The following CLIC5 variants were observed in gnomAD, a reference collection of about 807,000 sequenced individuals.
CLIC5 encodes chloride intracellular channel protein 5.
In CLIC5, 20 loss-of-function variants were observed where a neutral mutation model predicts 24.7. The observed-to-expected ratio is 0.81, with a 90% CI of 0.57 to 1.18. CLIC5 has a LOEUF of 1.18. Among genes scored for constraint, CLIC5 ranks in the 50% most tolerant of loss-of-function variants. The pLI is 0.00. For synonymous variants in CLIC5, 159 were observed against 135.6 expected (o/e 1.17, Z -1.20); for missense variants, 341 against 326.1 (o/e 1.05, Z -0.35).
At chr6:46,028,375 A>G (rs1347898519) in intron 1 of CLIC5, among the ~76,000 whole-genome samples, 1 of 152,204 alleles carries the variant, frequency 6.6e-6, no homozygotes, top group African/African-American at 2.4e-5. Context: ...GGAGTCATTC[A>G]CCACTGGGTG....
chr6:46,004,763 G>A (rs3777620), intron 1 of CLIC5, among the ~76,000 whole-genome samples: 50,241 of 151,666 alleles, frequency 0.33, 8,506 homozygotes, highest in Middle Eastern at 0.45. Context: ...ATGAGGAAAG[G>A]CCACATAACT....
At chr6:46,129,611 C>T in the CLIC5 span, 1 of 152,266 alleles carries the variant, frequency 6.6e-6, no homozygotes, top group Non-Finnish European at 1.5e-5. Context: ...GAAGCTTCTC[C>T]AGACTTGTGC....
At chr6:46,035,500 T>C (rs1361145406) in intron 1 of CLIC5, among the ~76,000 whole-genome samples, 3 of 152,222 alleles carry the variant, frequency 2.0e-5, no homozygotes, top group African/African-American at 7.2e-5. Flanking sequence ...ATCTCTACTG[T>C]TGTGTTGGTT....
chr6:45,987,981 AC>A (rs1765801172), intron 1 of CLIC5, among the ~76,000 whole-genome samples: 1 of 151,952 alleles, frequency 6.6e-6, no homozygotes, highest in African/African-American at 2.4e-5. Flanking sequence ...CATTTATTCC[AC>A]CCCAACAGCC....
intron 1 of CLIC5, among the ~76,000 whole-genome samples, chr6:46,066,852 G>A (rs191249308): frequency 6.6e-6 from 1 of 152,126 alleles, no homozygotes; most frequent in Non-Finnish European, 1.5e-5. Context: ...ATGAAGGAGA[G>A]GAGAAGGTGT....
At chr6:45,972,915 T>C (rs1765249065) in intron 1 of CLIC5, among the ~76,000 whole-genome samples, 1 of 152,224 alleles carries the variant, frequency 6.6e-6, no homozygotes, top group Non-Finnish European at 1.5e-5. Context: ...AAAACTCCAC[T>C]CTTGTTCATA....
chr6:46,049,642 G>A (rs1185872877), intron 1 of CLIC5, among the ~76,000 whole-genome samples: 1 of 152,248 alleles, frequency 6.6e-6, no homozygotes, highest in Non-Finnish European at 1.5e-5. Flanking sequence ...CCTGGCTGTG[G>A]GAATAGGCAG....
chr6:46,054,999 C>G (rs1768206096), intron 1 of CLIC5, among the ~76,000 whole-genome samples: 1 of 152,248 alleles, frequency 6.6e-6, no homozygotes, highest in South Asian at 2.1e-4. Flanking sequence ...CCAAACCTTT[C>G]AAAGAGATGT....
intron 5 of CLIC5, among the ~76,000 whole-genome samples, chr6:45,908,203 T>C (rs1762714396): frequency 6.6e-6 from 1 of 152,138 alleles, no homozygotes; most frequent in Non-Finnish European, 1.5e-5. Context: ...TGGATCTTCT[T>C]TATCCTTTCA....
At chr6:45,939,100 G>T (rs1764038403) in intron 4 of CLIC5, among the ~76,000 whole-genome samples, 1 of 151,968 alleles carries the variant, frequency 6.6e-6, no homozygotes, top group Non-Finnish European at 1.5e-5. Context: ...GTCCTTCCTT[G>T]CCTCTTCCAG....
the CLIC5 span, among the ~76,000 whole-genome samples, chr6:46,095,670 T>C: frequency 2.0e-5 from 3 of 152,234 alleles, no homozygotes; most frequent in African/African-American, 4.8e-5. Context: ...CTGGATTTCA[T>C]TGTCCATATC....
At chr6:46,050,804 A>G (rs1768080618) in intron 1 of CLIC5, among the ~76,000 whole-genome samples, 2 of 151,296 alleles carry the variant, frequency 1.3e-5, no homozygotes, top group African/African-American at 4.9e-5. Context: ...TCAAGAAACT[A>G]CCCTTGAGAT....
intron 4 of CLIC5, among the ~76,000 whole-genome samples, chr6:45,921,140 A>C (rs1763243077): frequency 6.6e-6 from 1 of 152,172 alleles, no homozygotes; most frequent in African/African-American, 2.4e-5. Flanking sequence ...ATCCGCAGTG[A>C]CCTTTCTAGG....
At chr6:45,894,136 G>A (rs1762374661), downstream of CLIC5, among the ~76,000 whole-genome samples, 1 of 152,172 alleles carries the variant, frequency 6.6e-6, no homozygotes, top group South Asian at 2.1e-4. Context: ...GTTAAATAAA[G>A]AGACAACCAT....
upstream of CLIC5, among the ~76,000 whole-genome samples, chr6:46,019,491 C>A (rs1767112903): frequency 6.6e-6 from 1 of 150,896 alleles, no homozygotes; most frequent in Non-Finnish European, 1.5e-5. Context: ...TCGAGACCAT[C>A]CTGGCTAACA....
chr6:45,897,428 G>C (rs1762408508), downstream of CLIC5, among the ~76,000 whole-genome samples: 1 of 152,078 alleles, frequency 6.6e-6, no homozygotes, highest in Admixed American at 6.6e-5. Flanking sequence ...TGTGTGTGTA[G>C]GGTGGGGGAG....
chr6:45,895,586 C>T (rs1198338585), downstream of CLIC5, among the ~76,000 whole-genome samples: 1 of 152,168 alleles, frequency 6.6e-6, no homozygotes, highest in Non-Finnish European at 1.5e-5. Context: ...AAGGTGAACC[C>T]AGAAGTCTGC....
chr6:46,120,688 A>G, the CLIC5 span, among the ~76,000 whole-genome samples: 1 of 152,352 alleles, frequency 6.6e-6, no homozygotes, highest in East Asian at 1.9e-4. Flanking sequence ...CACTGAAAAA[A>G]GATTAGATGA....
At chr6:46,055,484 C>T (rs572784770) in intron 1 of CLIC5, among the ~76,000 whole-genome samples, 22 of 152,276 alleles carry the variant, frequency 1.4e-4, no homozygotes, top group African/African-American at 5.1e-4. Context: ...GTGATCTGCC[C>T]GCCTCGGCCT....
Sources: allele counts gnomAD v4.1 joint callset (sites outside exome capture counted in the v4.1 genomes callset), GRCh38; gene constraint gnomAD v4.1.1; transcripts MANE v1.5; gene names NCBI Gene and HGNC (gene_info 2026-07-23, HGNC 2026-07-21).